The following FOXRED1 variants were observed in gnomAD, a reference collection of about 807,000 sequenced individuals.
FOXRED1 encodes the protein FAD dependent oxidoreductase domain containing 1, also known as FAD-dependent oxidoreductase domain-containing protein 1.
FOXRED1 carries 52 observed loss-of-function variants against 57.8 expected under a neutral mutation model. The observed-to-expected ratio is 0.90, with a 90% CI of 0.72 to 1.13. FOXRED1 has a LOEUF of 1.13. FOXRED1 is among the 50% of genes most tolerant of loss of function. FOXRED1 has a pLI of 0.00. For synonymous variants in FOXRED1, 271 were observed against 248.3 expected (o/e 1.09, Z -0.86); for missense variants, 589 against 625.2 (o/e 0.94, Z 0.62).
rs892698750 is a variant in FOXRED1 at position 126,272,849 on chromosome 11, T to C, written c.307-120T>C. The stretch of plus-strand genomic sequence containing the variant: ...TGACTTACACATGGGTCTTAGATTA[T>C]AGACTTGCAAATAGGACTCCCCTTC... On this transcript the variant is annotated intron_variant, in intron 2 of 10. Coordinates refer to ENST00000263578, the MANE Select transcript of FOXRED1 (RefSeq NM_017547.4). The surrounding 1 kb of genome is among the most constrained non-coding windows in gnomAD (Gnocchi z 4.6). The C allele has an allele frequency of 6.9e-6, 5 of 725,536 alleles. No individual in the cohort carries two copies. Among genetic ancestry groups the C allele is most frequent in the South Asian group, 5.8e-5 (4 of 68,990 alleles). 44.9% of individuals were successfully genotyped at this position (725,536 alleles called of 1,614,324 possible).
rs1419677198 is a variant in FOXRED1 at position 126,277,950 on chromosome 11, C to T, written c.*261C>T. 7.8e-6 allele frequency: 5 copies of T among 643,416 alleles called. No individual in the cohort carries two copies. Among genetic ancestry groups the T allele is most frequent in the East Asian group, 3.1e-5 (1 of 32,320 alleles). The allele number at this position is 643,416 out of a possible 1,614,324, so 39.9% of individuals were successfully genotyped here. A position where few individuals can be genotyped will look rare whatever the true frequency, so the allele number is the denominator to read the frequency against. ...CCCACCAGGGCAATCCATCTGGAGG[C>T]CTGAGCACCCTGGCCCAGGACTGGC... is the stretch of plus-strand genomic sequence containing the variant. On this transcript the variant is annotated 3_prime_UTR_variant, in exon 11 of 11. Transcript: ENST00000263578. This position sits in a 1 kb window ranked among gnomAD's most constrained non-coding sequence, Gnocchi z 6.8.
In FOXRED1 at chr11:126,275,739, C is replaced by T; in HGVS notation, c.734-55C>T. The T allele has an allele frequency of 8.4e-7, 1 of 1,186,212 alleles. No homozygotes were observed. Among genetic ancestry groups the T allele is most frequent in the Non-Finnish European group, 1.3e-6 (1 of 792,416 alleles). The allele number at this position is 1,186,212 out of a possible 1,614,324, so 73.5% of individuals were successfully genotyped here. Reference sequence around the variant, plus strand: ...TTCCTTAAGAAACCAGTGAAATCCCCATTTCATTCCTCTTCAGCACCTCTA... The same window carrying T: ...TTCCTTAAGAAACCAGTGAAATCCCTATTTCATTCCTCTTCAGCACCTCTA... On this transcript the variant is annotated intron_variant, in intron 6 of 10. Transcript: ENST00000263578. This position sits in a 1 kb window ranked among gnomAD's most constrained non-coding sequence, Gnocchi z 5.9.
At position 126,271,519 on chromosome 11, in the gene FOXRED1, C is replaced by G; in HGVS notation, c.168C>G (p.Thr56=). Residue 56 remains threonine, a synonymous_variant, in exon 2 of 11, where the codon ACC becomes ACG. Transcript: ENST00000263578. This position sits in a 1 kb window ranked among gnomAD's most constrained non-coding sequence, Gnocchi z 5.3. The part of the protein sequence containing the change: ...PGRSCDLLQD[T]SHLPPEHSDV... Reference sequence around the variant, plus strand: ...GGTCCTGTGATCTACTGCAAGACACCAGCCACCTGCCTCCCGAGCACTCGG... The same window carrying G: ...GGTCCTGTGATCTACTGCAAGACACGAGCCACCTGCCTCCCGAGCACTCGG... 6.2e-7 allele frequency: 1 copy of G among 1,614,180 alleles called. No homozygotes were observed. The highest frequency in any genetic ancestry group is 8.5e-7 in the Non-Finnish European group (1 of 1,180,004).
rs1951061325 is a variant in FOXRED1 at position 126,273,965 on chromosome 11, T to G, written c.536+511T>G. ...TGGCAACCCCTGCTCTAAGTGATTC[T>G]CATGGTCAGGTGAGGGTGGGCATGT... On this transcript the variant is annotated intron_variant, in intron 4 of 10. Coordinates refer to ENST00000263578, the MANE Select transcript of FOXRED1 (RefSeq NM_017547.4). The surrounding 1 kb of genome is among the most constrained non-coding windows in gnomAD (Gnocchi z 5.9). 5.2e-6 allele frequency: 1 copy of G among 193,748 alleles called. No individual in the cohort carries two copies. Among genetic ancestry groups the G allele is most frequent in the Non-Finnish European group, 1.1e-5 (1 of 91,496 alleles). The allele number at this position is 193,748 out of a possible 1,614,324, so 12.0% of individuals were successfully genotyped here.
chr11:126,269,451 A>C, intron 1 of FOXRED1, 160 bp downstream of exon 1: 1 of 1,402,080 alleles, frequency 7.1e-7, no homozygotes, highest in Non-Finnish European at 9.9e-7. Context: ...GGGGCTGTGC[A>C]GGTGTATGGC....
Position 126,269,238 on chromosome 11 carries a change from G to C in FOXRED1, c.32G>C (p.Gly11Ala), listed in dbSNP as rs1351042574. 1.2e-6 allele frequency: 2 copies of C among 1,614,124 alleles called. No individual in the cohort carries two copies. The highest frequency in any genetic ancestry group is 1.7e-6 in the Non-Finnish European group (2 of 1,179,984). ...CGGAGGGTTCTGCCGCACGGCATGG[G>C]CCGGGGCCTCTTGACCCGGAGGCCA... MIRRVLPHGM[G>A]RGLLTRRPGT... The change falls in exon 1 of 11, where the codon GGC becomes GCC. Residue 11 changes from glycine to alanine, a missense_variant. Transcript: ENST00000263578.
chr11:126,276,824 C>G, intron 9 of FOXRED1: 1 of 493,740 alleles, frequency 2.0e-6, no homozygotes, highest in South Asian at 2.0e-5. Flanking sequence ...TGCAGTGAGC[C>G]AAGATTGCGC....
rs1950979806 is a variant in FOXRED1 at position 126,271,340 on chromosome 11, T to C, written c.86-97T>C. Reference sequence around the variant, plus strand: ...TGACAGTGGGGACTGCCAACTCATGTGTCTGTTTAGCTCACCTTTTCCTGT... The same window carrying C: ...TGACAGTGGGGACTGCCAACTCATGCGTCTGTTTAGCTCACCTTTTCCTGT... On this transcript the variant is annotated intron_variant, in intron 1 of 10. Coordinates refer to ENST00000263578, the MANE Select transcript of FOXRED1 (RefSeq NM_017547.4). The surrounding 1 kb of genome is among the most constrained non-coding windows in gnomAD (Gnocchi z 5.3). 4.6e-6 allele frequency: 4 copies of C among 875,294 alleles called. No individual in the cohort carries two copies. Among genetic ancestry groups the C allele is most frequent in the Non-Finnish European group, 7.8e-6 (4 of 514,708 alleles). 54.2% of individuals were successfully genotyped at this position (875,294 alleles called of 1,614,324 possible). A position where few individuals can be genotyped will look rare whatever the true frequency, so the allele number is the denominator to read the frequency against.
chr11:126,277,723 C>T lies in FOXRED1; in HGVS notation c.*34C>T, dbSNP rs1377022740. On this transcript the variant is annotated 3_prime_UTR_variant, in exon 11 of 11. Coordinates refer to ENST00000263578, the MANE Select transcript of FOXRED1 (RefSeq NM_017547.4). The surrounding 1 kb of genome is among the most constrained non-coding windows in gnomAD (Gnocchi z 6.8). ...GCTCTGCACTGGCTCCACTGGCTTG[C>T]ATCCTGGCTGTGTTCACAGCCTTGT... is the stretch of plus-strand genomic sequence containing the variant. 1.2e-5 allele frequency: 19 copies of T among 1,610,584 alleles called. No individual in the cohort carries two copies. The highest frequency in any genetic ancestry group is 1.5e-5 in the Non-Finnish European group (18 of 1,177,894).
At position 126,273,563 on chromosome 11, in the gene FOXRED1, G is replaced by A. The variant is rs997950693; in HGVS notation, c.536+109G>A. ...GGAGTTGATAAGACAGATCCCTGCG[G>A]TCTAGGACCTCAGTGTGTCAGGAAG... is the stretch of plus-strand genomic sequence containing the variant. On this transcript the variant is annotated intron_variant, in intron 4 of 10. Coordinates refer to ENST00000263578, the MANE Select transcript of FOXRED1 (RefSeq NM_017547.4). This position sits in a 1 kb window ranked among gnomAD's most constrained non-coding sequence, Gnocchi z 5.9. 7 of 783,378 alleles carry A rather than the reference G, an allele frequency of 8.9e-6. No individual in the cohort carries two copies. The highest frequency in any genetic ancestry group is 4.9e-5 in the East Asian group (2 of 40,900). The allele number at this position is 783,378 out of a possible 1,614,324, so 48.5% of individuals were successfully genotyped here.
At position 126,271,430 on chromosome 11, in the gene FOXRED1, C is replaced by T. The variant is rs1950981916; in HGVS notation, c.86-7C>T. The T allele has an allele frequency of 6.8e-6, 11 of 1,608,794 alleles. No homozygotes were observed. Among genetic ancestry groups the T allele is most frequent in the African/African-American group, 1.3e-5 (1 of 74,806 alleles). Reference sequence around the variant, plus strand: ...TTTGGCCCTCTGACCCTAACTACATCCCACAGACTGGGATGGAAAGGTGTC... The same window carrying T: ...TTTGGCCCTCTGACCCTAACTACATTCCACAGACTGGGATGGAAAGGTGTC... On this transcript the variant is annotated splice_polypyrimidine_tract_variant and splice_region_variant and intron_variant, in intron 1 of 10. Coordinates refer to ENST00000263578, the MANE Select transcript of FOXRED1 (RefSeq NM_017547.4). This position sits in a 1 kb window ranked among gnomAD's most constrained non-coding sequence, Gnocchi z 5.3.
chr11:126,276,619 T>TA, intron 9 of FOXRED1, 96 bp downstream of exon 9: 1 of 1,409,764 alleles, frequency 7.1e-7, no homozygotes, highest in South Asian at 1.2e-5. Context: ...CTCATGCCTG[T>TA]AATCTTGGCA....
In FOXRED1 at chr11:126,274,645, GA is replaced by G. The variant is rs60892467; in HGVS notation, c.537-269del. 0.14 allele frequency: 45,033 copies of G among 318,584 alleles called. 48 individuals are homozygous for G. Among genetic ancestry groups the G allele is most frequent in the South Asian group, 0.25 (8,853 of 34,890 alleles). 19.7% of individuals were successfully genotyped at this position (318,584 alleles called of 1,614,324 possible). On this transcript the variant is annotated intron_variant, in intron 4 of 10. Transcript: ENST00000263578. The surrounding 1 kb of genome is among the most constrained non-coding windows in gnomAD (Gnocchi z 4.8). ...CCTGGGTGACAGAGCCAGACTCATT[GA>G]AAAAAAAAAAAAGAAGTCATGGAAT...
chr11:126,274,884 C>G lies in FOXRED1; in HGVS notation c.537-43C>G. ...TCCATACATCATCCCCCTGCACACT[C>G]CCCTCTCTGACACACATACACCGAC... On this transcript the variant is annotated intron_variant, in intron 4 of 10. Transcript: ENST00000263578. The surrounding 1 kb of genome is among the most constrained non-coding windows in gnomAD (Gnocchi z 4.8). 1.7e-6 allele frequency: 2 copies of G among 1,145,260 alleles called. No individual in the cohort carries two copies. The highest frequency in any genetic ancestry group is 2.7e-6 in the Non-Finnish European group (2 of 751,522). The allele number at this position is 1,145,260 out of a possible 1,614,324, so 70.9% of individuals were successfully genotyped here.
intron 1 of FOXRED1, chr11:126,270,966 G>A (rs147909326): frequency 3.9e-4 from 79 of 203,174 alleles, no homozygotes; most frequent in African/African-American, 1.4e-3. Flanking sequence ...GCCGGAGCCC[G>A]CAGAACTTGA....
chr11:126,271,410 C>A lies in FOXRED1; in HGVS notation c.86-27C>A. On this transcript the variant is annotated intron_variant, in intron 1 of 10. Coordinates refer to ENST00000263578, the MANE Select transcript of FOXRED1 (RefSeq NM_017547.4). The surrounding 1 kb of genome is among the most constrained non-coding windows in gnomAD (Gnocchi z 5.3). ...AACCATGTGGGAAGGAAATGTTTGG[C>A]CCTCTGACCCTAACTACATCCCACA... The A allele has an allele frequency of 6.5e-7, 1 of 1,539,266 alleles. No individual in the cohort carries two copies. Among genetic ancestry groups the A allele is most frequent in the South Asian group, 1.1e-5 (1 of 89,502 alleles).
rs1006150522 is a variant in FOXRED1, at chr11:126,275,669, T to C, written c.734-125T>C. The C allele has an allele frequency of 5.2e-6, 4 of 762,116 alleles. No homozygotes were observed. The highest frequency in any genetic ancestry group is 1.7e-5 in the African/African-American group (1 of 58,104). The allele number at this position is 762,116 out of a possible 1,614,324, so 47.2% of individuals were successfully genotyped here. A position where few individuals can be genotyped will look rare whatever the true frequency, so the allele number is the denominator to read the frequency against. On this transcript the variant is annotated intron_variant, in intron 6 of 10. Coordinates refer to ENST00000263578, the MANE Select transcript of FOXRED1 (RefSeq NM_017547.4). The surrounding 1 kb of genome is among the most constrained non-coding windows in gnomAD (Gnocchi z 5.9). ...GCTCATGCCAGCTCCCTCATCTCTG[T>C]TTGCTTCAGTGTCTGTGGGAAAGCT...
At chr11:126,270,420 C>T (rs570198366) in intron 1 of FOXRED1, among the ~76,000 whole-genome samples, 5 of 152,224 alleles carry the variant, frequency 3.3e-5, no homozygotes, top group African/African-American at 7.2e-5. Context: ...ACAGCCTCCC[C>T]CCTCATGGAT....
Position 126,273,076 on chromosome 11 carries a change from C to T in FOXRED1, c.414C>T (p.Ile138=). The change falls in exon 3 of 11, where the codon ATC becomes ATT. Residue 138 remains isoleucine (I), a synonymous_variant. Coordinates refer to ENST00000263578, the MANE Select transcript of FOXRED1 (RefSeq NM_017547.4). This position sits in a 1 kb window ranked among gnomAD's most constrained non-coding sequence, Gnocchi z 5.9. Reference sequence around the variant, plus strand: ...TTTCAGCCAGCTTTCTACGGAACATCAATGTAGGTGCAATGATATCCGGGA... The same window carrying T: ...TTTCAGCCAGCTTTCTACGGAACATTAATGTAGGTGCAATGATATCCGGGA... ...SLFSASFLRN[I]NEYLAVVDAP... 4 of 1,520,384 alleles carry T rather than the reference C, an allele frequency of 2.6e-6. No homozygotes were observed. In the South Asian group the frequency reaches 4.5e-5, roughly 17 times the overall value. The allele number at this position is 1,520,384 out of a possible 1,614,324, so 94.2% of individuals were successfully genotyped here. A position where few individuals can be genotyped will look rare whatever the true frequency, so the allele number is the denominator to read the frequency against.
Sources: gnomAD v4.1 joint callset for allele counts (sites outside exome capture counted in the v4.1 genomes callset) on GRCh38, gnomAD v4.1.1 for gene constraint, Gnocchi (gnomAD v3.1) non-coding constraint, MANE v1.5 for transcripts, NCBI Gene and HGNC (gene_info 2026-07-23, HGNC 2026-07-21) for gene names.